Variants in GABRB3 observed in about 807,000 individuals in gnomAD.
GABRB3 encodes gamma-aminobutyric acid receptor subunit beta-3.
Under a neutral mutation model 52.1 loss-of-function variants are expected in GABRB3, and 14 were observed. The ratio of observed to expected loss-of-function variants is 0.27; its 90% CI spans 0.18 to 0.42. The LOEUF is 0.42. Among genes scored for constraint, GABRB3 ranks in the 10% least tolerant of loss-of-function variants. GABRB3 has a pLI of 1.00. For synonymous variants in GABRB3, 260 were observed against 232.3 expected, an observed-to-expected ratio of 1.12 and a Z score of -1.08; for missense variants, 307 against 609.1, an observed-to-expected ratio of 0.50 and a Z score of 5.22.
chr15:26,584,525 C>G (rs1160769293), intron 4 of GABRB3, among the ~76,000 whole-genome samples: 2 of 152,144 alleles, frequency 1.3e-5, no homozygotes, highest in Non-Finnish European at 2.9e-5. Flanking sequence ...AAATATTTGG[C>G]TCCTATTTTA....
At chr15:26,719,483 C>T (rs1406008596) in intron 3 of GABRB3, among the ~76,000 whole-genome samples, 1 of 152,200 alleles carries the variant, frequency 6.6e-6, no homozygotes, top group Non-Finnish European at 1.5e-5. Flanking sequence ...AAATTTTATT[C>T]ACACTTTAAT....
intron 3 of GABRB3, among the ~76,000 whole-genome samples, chr15:26,674,482 G>A (rs533243059): frequency 2.7e-5 from 4 of 147,038 alleles, no homozygotes; most frequent in African/African-American, 5.0e-5. Flanking sequence ...GAAAGAAAGA[G>A]AGAGAGAGAA....
chr15:26,683,520 C>T (rs995126455), intron 3 of GABRB3, among the ~76,000 whole-genome samples: 6 of 152,158 alleles, frequency 3.9e-5, no homozygotes, highest in African/African-American at 9.7e-5. Context: ...AATCAATGGA[C>T]GAGATTGACA....
intron 3 of GABRB3, among the ~76,000 whole-genome samples, chr15:26,681,080 G>A (rs975999956): frequency 2.6e-5 from 4 of 151,908 alleles, no homozygotes; most frequent in South Asian, 2.1e-4. Context: ...TTTAAAAATC[G>A]TATTGCTCAT....
Position 26,644,887 on chromosome 15 carries a change from T to G in GABRB3, c.241-23353A>C, listed in dbSNP as rs184325470. On this transcript the variant is annotated intron_variant, in intron 3 of 8. Coordinates refer to ENST00000311550, the MANE Select transcript of GABRB3 (RefSeq NM_000814.6). ...ATGTGATGGAGACTCACAGAAAACT[T>G]GATAGGTTTGTAGTAAAATTTTGAA... Among the ~76,000 whole-genome samples, 5 of 152,150 alleles carry G rather than the reference T, an allele frequency of 3.3e-5. No homozygotes were observed. In the East Asian group the frequency reaches 9.7e-4, roughly 29 times the overall value.
At chr15:26,768,797 A>C (rs143876432) in intron 3 of GABRB3, among the ~76,000 whole-genome samples, 1 of 152,154 alleles carries the variant, frequency 6.6e-6, no homozygotes, top group Non-Finnish European at 1.5e-5. Context: ...TATCAGGTCA[A>C]CTAATTTTTA....
chr15:26,634,187 G>C (rs35680894), intron 3 of GABRB3, among the ~76,000 whole-genome samples: 51,368 of 151,906 alleles, frequency 0.34, 10,894 homozygotes, highest in Middle Eastern at 0.52. Context: ...TTCCACTGCT[G>C]TCTCTGGCCC....
At chr15:26,768,158 CAA>C (rs1207206503) in intron 3 of GABRB3, among the ~76,000 whole-genome samples, 1 of 151,078 alleles carries the variant, frequency 6.6e-6, no homozygotes, top group South Asian at 2.1e-4. Context: ...TTTTTAAAAA[CAA>C]AAAACAATAA....
chr15:26,627,860 G>T (rs1886529274), intron 3 of GABRB3, among the ~76,000 whole-genome samples: 1 of 152,170 alleles, frequency 6.6e-6, no homozygotes, highest in South Asian at 2.1e-4. Flanking sequence ...TTCAATTTTG[G>T]AAGAAGTTCT....
intron 3 of GABRB3, among the ~76,000 whole-genome samples, chr15:26,756,191 T>A (rs935249641): frequency 1.3e-5 from 2 of 152,160 alleles, no homozygotes; most frequent in Admixed American, 1.3e-4. Flanking sequence ...TATTATTTTG[T>A]AGAAGCAGTC....
intron 4 of GABRB3, among the ~76,000 whole-genome samples, chr15:26,595,889 C>T (rs1298135923): frequency 6.6e-6 from 1 of 152,070 alleles, no homozygotes; most frequent in Non-Finnish European, 1.5e-5. Context: ...CTATATAAGC[C>T]CTGGATCTTG....
At chr15:26,735,785 C>T (rs963384298) in intron 3 of GABRB3, among the ~76,000 whole-genome samples, 1 of 146,304 alleles carries the variant, frequency 6.8e-6, no homozygotes. Context: ...CCCATTTCCA[C>T]AAAAAAGTAA....
intron 6 of GABRB3, among the ~76,000 whole-genome samples, chr15:26,568,684 G>GGGTGTTTTTTTTTT (rs1555402038): frequency 7.5e-6 from 1 of 133,670 alleles, no homozygotes; most frequent in Non-Finnish European, 1.6e-5. Flanking sequence ...TTTTTTTTTG[G>GGGTGTTTTTTTTTT]TTTTGTATGT....
chr15:26,745,763 G>A (rs1413302502), intron 3 of GABRB3, among the ~76,000 whole-genome samples: 3 of 152,132 alleles, frequency 2.0e-5, no homozygotes, highest in Non-Finnish European at 2.9e-5. Flanking sequence ...TTCCATGAGC[G>A]CCATCCAATT....
intron 3 of GABRB3, among the ~76,000 whole-genome samples, chr15:26,674,415 A>G (rs1887998547): frequency 7.7e-6 from 1 of 129,704 alleles, no homozygotes; most frequent in African/African-American, 2.8e-5. Flanking sequence ...AAAAAAAAAA[A>G]AAAAAAGAAA....
intron 3 of GABRB3, among the ~76,000 whole-genome samples, chr15:26,719,828 C>T (rs1889595984): frequency 6.6e-6 from 1 of 152,154 alleles, no homozygotes; most frequent in Non-Finnish European, 1.5e-5. Flanking sequence ...TAACTGATAG[C>T]ATAACCCCAA....
intron 6 of GABRB3, among the ~76,000 whole-genome samples, chr15:26,572,037 T>G (rs1448352002): frequency 8.5e-6 from 1 of 117,286 alleles, no homozygotes; most frequent in Admixed American, 1.1e-4. Flanking sequence ...AGAGCGAGAC[T>G]CCGTCTCAAG....
chr15:26,610,941 C>T (rs940374318), intron 4 of GABRB3, among the ~76,000 whole-genome samples: 3 of 152,042 alleles, frequency 2.0e-5, no homozygotes, highest in African/African-American at 7.3e-5. Context: ...ATAACTCAGC[C>T]AAAACAAAAT....
chr15:26,565,843 C>T (rs574459558), intron 7 of GABRB3, among the ~76,000 whole-genome samples: 90 of 152,248 alleles, frequency 5.9e-4, no homozygotes, highest in Non-Finnish European at 1.1e-3. Flanking sequence ...TGCTTCAGAT[C>T]GGTCTCCACT....
Sources: allele counts gnomAD v4.1 joint callset (sites outside exome capture counted in the v4.1 genomes callset), GRCh38; gene constraint gnomAD v4.1.1; transcripts MANE v1.5; gene names NCBI Gene and HGNC (gene_info 2026-07-23, HGNC 2026-07-21).